The following TMEM64 variants were observed in gnomAD, a reference collection of about 807,000 sequenced individuals.
TMEM64 encodes the protein transmembrane protein 64.
Under a neutral mutation model 24.5 loss-of-function variants are expected in TMEM64, and 19 were observed. The observed-to-expected ratio is 0.78, with a 90% confidence interval of 0.54 to 1.14. The LOEUF (loss-of-function observed/expected upper bound fraction) is 1.14. Ranked by LOEUF, TMEM64 falls within the 50% of genes most tolerant of loss-of-function variation. The pLI, the probability that TMEM64 is intolerant of heterozygous loss-of-function variation, is 0.00. For missense variants in TMEM64, 487 were observed against 493.0 expected, an observed-to-expected ratio of 0.99 and a Z score of 0.12; for synonymous variants, 262 against 224.7, an observed-to-expected ratio of 1.17 and a Z score of -1.49.
intron 2 of TMEM64, among the ~76,000 whole-genome samples, chr8:90,626,625 C>CTTTTTTTTTTTTTTTTT (rs1223612676): frequency 8.9e-6 from 1 of 112,524 alleles, no homozygotes; most frequent in African/African-American, 4.4e-5. Context: ...CTTTTTTTTT[C>CTTTTTTTTTTTTTTTTT]TTTCTTTTTT....
chr8:90,628,396 C>T (rs764980534), intron 2 of TMEM64, among the ~76,000 whole-genome samples: 2 of 151,914 alleles, frequency 1.3e-5, no homozygotes, highest in Non-Finnish European at 2.9e-5. Flanking sequence ...TGGAAACAGG[C>T]GAAGGAGTCA....
In TMEM64 at chr8:90,645,968, T is replaced by C; in HGVS notation, c.-63A>G. ...TCCGCCGCGGCGCCCGTTAGGCAGC[T>C]GCCCTTCATGGCGCCCGGTTCGCCC... On this transcript the variant is annotated 5_prime_UTR_variant, in exon 1 of 3. Transcript: ENST00000458549. This position sits in a 1 kb window ranked among gnomAD's most constrained non-coding sequence, Gnocchi z 4.2. The C allele has an allele frequency of 1.1e-6, 1 of 924,838 alleles. No homozygotes were observed. The highest frequency in any genetic ancestry group is 1.3e-6 in the Non-Finnish European group (1 of 748,692). 57.3% of individuals were successfully genotyped at this position (924,838 alleles called of 1,614,324 possible).
At position 90,645,661 on chromosome 8, in the gene TMEM64, G is replaced by C. The variant is rs747028290; in HGVS notation, c.245C>G (p.Pro82Arg). Residue 82 changes from proline (P) to arginine (R), a missense_variant, in exon 1 of 3, where the codon CCG (proline) becomes CGG (arginine). This residue lies in a region of TMEM64 where 419 missense variants were observed against 407.5 expected (regional missense o/e 1.03). Coordinates refer to ENST00000458549, the MANE Select transcript of TMEM64 (RefSeq NM_001008495.4). This position sits in a 1 kb window ranked among gnomAD's most constrained non-coding sequence, Gnocchi z 4.2. Reference protein sequence around the residue: ...RHGPPEASELPEPGGALAGGP... With the variant: ...RHGPPEASELREPGGALAGGP... ...GCCCGCCAAGGCCCCGCCCGGCTCC[G>C]GCAGCTCCGAAGCCTCGGGCGGACC... is the stretch of plus-strand genomic sequence containing the variant. The C allele has an allele frequency of 7.9e-6, 12 of 1,525,182 alleles. No homozygotes were observed. Among genetic ancestry groups the C allele is most frequent in the African/African-American group, 2.8e-5 (2 of 72,498 alleles). 94.5% of individuals were successfully genotyped at this position (1,525,182 alleles called of 1,614,324 possible).
At chr8:90,634,880 A>G (rs1369330668) in intron 1 of TMEM64, among the ~76,000 whole-genome samples, 4 of 152,226 alleles carry the variant, frequency 2.6e-5, no homozygotes, top group African/African-American at 9.6e-5. Context: ...ATCTATAACT[A>G]TTAATACAAC....
intron 1 of TMEM64, among the ~76,000 whole-genome samples, chr8:90,643,497 C>A (rs1203979578): frequency 1.3e-5 from 2 of 152,162 alleles, no homozygotes; most frequent in African/African-American, 2.4e-5. Flanking sequence ...CTAGTAGACA[C>A]TAGTCTATAA....
At chr8:90,641,161 C>T (rs565701767) in intron 1 of TMEM64, among the ~76,000 whole-genome samples, 1 of 152,200 alleles carries the variant, frequency 6.6e-6, no homozygotes, top group East Asian at 1.9e-4. Context: ...AGTTGGCAAA[C>T]TTTTTCCATG....
At chr8:90,628,044 T>TTAATGCTAACTG (rs1809385141) in intron 2 of TMEM64, among the ~76,000 whole-genome samples, 1 of 152,246 alleles carries the variant, frequency 6.6e-6, no homozygotes, top group African/African-American at 2.4e-5. Flanking sequence ...GCTGCACTTC[T>TTAATGCTAACTG]GATCCCAGGG....
intron 1 of TMEM64, among the ~76,000 whole-genome samples, chr8:90,637,926 C>G (rs2060758939): frequency 6.6e-6 from 1 of 152,180 alleles, no homozygotes. Flanking sequence ...TGTTCCCAAT[C>G]TCAGCGGCCC....
intron 2 of TMEM64, among the ~76,000 whole-genome samples, chr8:90,629,256 T>C (rs1372282632): frequency 6.6e-6 from 1 of 152,198 alleles, no homozygotes; most frequent in Non-Finnish European, 1.5e-5. Context: ...CCCCACTGTC[T>C]TGTATTCTAA....
chr8:90,633,260 A>G (rs115307731), intron 1 of TMEM64, among the ~76,000 whole-genome samples: 1,846 of 152,312 alleles, frequency 0.012, 33 homozygotes, highest in African/African-American at 0.042. Flanking sequence ...GAGAGACCCA[A>G]TGTGGCAAGG....
Position 90,645,830 on chromosome 8 carries a change from C to T in TMEM64, c.76G>A (p.Glu26Lys), listed in dbSNP as rs1414852829. 5 of 1,078,398 alleles carry T rather than the reference C, an allele frequency of 4.6e-6. No individual in the cohort carries two copies. In the Admixed American group the frequency reaches 1.6e-4, roughly 34 times the overall value. The allele number at this position is 1,078,398 out of a possible 1,614,324, so 66.8% of individuals were successfully genotyped here. Residue 26 changes from glutamate to lysine, a missense_variant, in exon 1 of 3, where the codon GAG becomes AAG. Around this residue, in one of 3 missense-constraint regions of TMEM64, gnomAD observed 419 missense variants for 407.5 expected, o/e 1.03. Transcript: ENST00000458549. This position sits in a 1 kb window ranked among gnomAD's most constrained non-coding sequence, Gnocchi z 4.2. ...GGCAGGGCCCAGCGGGCCGGCAGCTCGGCGAGGCCCGGGAGGGCGGCGTGC... is the reference window on the plus strand; with the variant it reads ...GGCAGGGCCCAGCGGGCCGGCAGCTTGGCGAGGCCCGGGAGGGCGGCGTGC... ...LQHAALPGLA[E>K]LPARWALPRG...
chr8:90,644,962 T>C, intron 1 of TMEM64, 149 bp downstream of exon 1: 1 of 881,030 alleles, frequency 1.1e-6, no homozygotes, highest in Non-Finnish European at 1.8e-6. Context: ...AGGACAGACT[T>C]CCCAGGCTGC....
chr8:90,641,617 A>G (rs1809605461), intron 1 of TMEM64, among the ~76,000 whole-genome samples: 1 of 152,202 alleles, frequency 6.6e-6, no homozygotes, highest in Non-Finnish European at 1.5e-5. Flanking sequence ...GGATAAGTTA[A>G]TGACTCTAAA....
At chr8:90,636,744 A>T (rs1055855669) in intron 1 of TMEM64, among the ~76,000 whole-genome samples, 1 of 152,206 alleles carries the variant, frequency 6.6e-6, no homozygotes, top group Admixed American at 6.5e-5. Flanking sequence ...AAGACATTAA[A>T]CATGAGCCTA....
intron 1 of TMEM64, among the ~76,000 whole-genome samples, chr8:90,635,149 A>T (rs1186240841): frequency 1.3e-5 from 2 of 152,212 alleles, no homozygotes; most frequent in Non-Finnish European, 2.9e-5. Context: ...AGAAACAGGC[A>T]GAATGGGGAG....
intron 1 of TMEM64, among the ~76,000 whole-genome samples, chr8:90,644,465 A>AAT (rs1204946853): frequency 2.0e-5 from 3 of 152,054 alleles, no homozygotes; most frequent in African/African-American, 7.3e-5. Context: ...ACAGAAGAAA[A>AAT]ATATATGCTA....
chr8:90,635,258 C>T (rs1809499033), intron 1 of TMEM64, among the ~76,000 whole-genome samples: 1 of 152,048 alleles, frequency 6.6e-6, no homozygotes, highest in South Asian at 2.1e-4. Context: ...GAGAGGGATT[C>T]AAGGCAGACA....
chr8:90,645,030 G>T lies in TMEM64; in HGVS notation c.795+81C>A. 1 of 1,425,316 alleles carries T rather than the reference G, an allele frequency of 7.0e-7. No homozygotes were observed. The highest frequency in any genetic ancestry group is 9.6e-7 in the Non-Finnish European group (1 of 1,046,810). 88.3% of individuals were successfully genotyped at this position (1,425,316 alleles called of 1,614,324 possible). A position where few individuals can be genotyped will look rare whatever the true frequency, so the allele number is the denominator to read the frequency against. On this transcript the variant is annotated intron_variant, in intron 1 of 2. Coordinates refer to ENST00000458549, the MANE Select transcript of TMEM64 (RefSeq NM_001008495.4). This position sits in a 1 kb window ranked among gnomAD's most constrained non-coding sequence, Gnocchi z 4.2. The stretch of plus-strand genomic sequence containing the variant: ...GTCACTTCTCTGCTGGTATTTATCT[G>T]ATAGAGCGCCCTCCTAGGGCCGCCA...
At chr8:90,631,785 TCTAA>T in intron 1 of TMEM64, 78 bp from the exon 2 acceptor site, 1 of 1,275,148 alleles carries the variant, frequency 7.8e-7, no homozygotes, top group South Asian at 1.4e-5. Flanking sequence ...GTGTATTAAG[TCTAA>T]CTAGTGGTAT....
Sources: allele counts gnomAD v4.1 joint callset (sites outside exome capture counted in the v4.1 genomes callset), GRCh38; gene constraint gnomAD v4.1.1; regional missense constraint gnomAD v4.1.1; non-coding constraint Gnocchi (gnomAD v3.1); transcripts MANE v1.5; gene names NCBI Gene and HGNC (gene_info 2026-07-23, HGNC 2026-07-21).